The following CYFIP1 variants were observed in gnomAD, a reference collection of about 807,000 sequenced individuals.
CYFIP1 encodes the protein cytoplasmic FMR1 interacting protein 1.
In CYFIP1, 58 loss-of-function variants were observed where a neutral mutation model predicts 163.5. The observed-to-expected ratio is 0.35, with a 90% confidence interval of 0.29 to 0.44. CYFIP1 has a LOEUF of 0.44. CYFIP1 is among the 20% of genes least tolerant of loss of function. The pLI is 1.00. For synonymous variants in CYFIP1, 663 were observed against 660.7 expected, an observed-to-expected ratio of 1.00 and a Z score of -0.05; for missense variants, 1,338 against 1,653.8, an observed-to-expected ratio of 0.81 and a Z score of 3.31.
intron 1 of CYFIP1, among the ~76,000 whole-genome samples, chr15:22,968,518 T>C (rs191264120): frequency 1.3e-5 from 2 of 152,286 alleles, no homozygotes; most frequent in East Asian, 3.9e-4. Context: ...CCTCTACAAT[T>C]GTGAGTCAGA....
In CYFIP1 at chr15:22,910,449, C is replaced by A. The variant is rs138998471; in HGVS notation, c.2268+71G>T. On this transcript the variant is annotated intron_variant, in intron 20 of 30. Coordinates refer to ENST00000617928, the MANE Select transcript of CYFIP1 (RefSeq NM_014608.6). ...TGTTGGGATTACAGGCGTGAGCCAC[C>A]GCACCCAGCCGAAAACCCAGTCTTT... 3,016 of 1,313,590 alleles carry A rather than the reference C, an allele frequency of 2.3e-3. 50 individuals carry two copies. The African/African-American group carries it at 0.039, about 17-fold the overall frequency. The allele number at this position is 1,313,590 out of a possible 1,614,324, so 81.4% of individuals were successfully genotyped here. A position where few individuals can be genotyped will look rare whatever the true frequency, so the allele number is the denominator to read the frequency against.
chr15:22,930,732 G>A (rs1260653568), intron 11 of CYFIP1, among the ~76,000 whole-genome samples: 1 of 152,162 alleles, frequency 6.6e-6, no homozygotes, highest in Non-Finnish European at 1.5e-5. Flanking sequence ...CAGGTATAGA[G>A]TGTGTTTGTG....
chr15:22,911,211 T>C (rs752036583), intron 18 of CYFIP1, among the ~76,000 whole-genome samples: 4 of 151,972 alleles, frequency 2.6e-5, no homozygotes, highest in Non-Finnish European at 5.9e-5. Flanking sequence ...CTAGCAATAA[T>C]CTTACTGTCC....
chr15:22,967,562 C>T (rs1357874117), intron 1 of CYFIP1, among the ~76,000 whole-genome samples: 1 of 152,048 alleles, frequency 6.6e-6, no homozygotes, highest in African/African-American at 2.4e-5. Context: ...CCCGGCCCCA[C>T]CACAGCCCGC....
At chr15:22,977,148 G>C (rs1000679068) in intron 1 of CYFIP1, among the ~76,000 whole-genome samples, 1 of 151,700 alleles carries the variant, frequency 6.6e-6, no homozygotes, top group Non-Finnish European at 1.5e-5. Context: ...GCGGTGGGCC[G>C]AGATCGCACC....
rs751887796 is a variant in CYFIP1 at position 22,879,919 on chromosome 15, C to G, written c.3036G>C (p.Gln1012His). Residue 1012 changes from glutamine to histidine, a missense_variant, in exon 26 of 31, where the codon CAG becomes CAC. By Grantham distance (24) the Gln-to-His change is conservative. Around this residue, in one of 4 missense-constraint regions of CYFIP1, gnomAD observed 306 missense variants for 322.1 expected, o/e 0.95. Transcript: ENST00000617928. ...NAILFCLLIE[Q>H]SLSLEEVCDL... ...GCGTTGGGGGGCCACTCACCAGGCTCTGCTCGATGAGCAGGCAGAAGAGGA... is the reference window on the plus strand; with the variant it reads ...GCGTTGGGGGGCCACTCACCAGGCTGTGCTCGATGAGCAGGCAGAAGAGGA... 9.9e-6 allele frequency: 16 copies of G among 1,611,518 alleles called. No homozygotes were observed. In the Admixed American group the frequency reaches 1.2e-4, roughly 12 times the overall value.
intron 1 of CYFIP1, among the ~76,000 whole-genome samples, chr15:22,947,506 C>T (rs1168208856): frequency 4.6e-5 from 7 of 152,134 alleles, no homozygotes; most frequent in African/African-American, 1.2e-4. Context: ...TATCCTTCCA[C>T]ACTCGCTGAG....
At chr15:22,903,961 G>T in intron 21 of CYFIP1, 56 bp from the exon 22 acceptor site, 1 of 1,528,574 alleles carries the variant, frequency 6.5e-7, no homozygotes, top group South Asian at 1.2e-5. Context: ...GGAAGGAGGC[G>T]CCGAGTGGCC....
Position 22,917,554 on chromosome 15 carries a change from T to A in CYFIP1, c.1674+234A>T, listed in dbSNP as rs538801934. ...TTTTGGGATGGGAGTTGAAATGGAGTCAGACTCCTTTTTAGTGCACATGAC... is the reference window on the plus strand; with the variant it reads ...TTTTGGGATGGGAGTTGAAATGGAGACAGACTCCTTTTTAGTGCACATGAC... On this transcript the variant is annotated intron_variant, in intron 15 of 30. Transcript: ENST00000617928. This position sits in a 1 kb window ranked among gnomAD's most constrained non-coding sequence, Gnocchi z 4.2. 9 of 565,652 alleles carry A rather than the reference T, an allele frequency of 1.6e-5. No homozygotes were observed. The highest frequency in any genetic ancestry group is 2.4e-5 in the Non-Finnish European group (8 of 338,948). The allele number at this position is 565,652 out of a possible 1,614,324, so 35.0% of individuals were successfully genotyped here.
Position 22,917,028 on chromosome 15 carries a change from A to G in CYFIP1, c.1675-398T>C, listed in dbSNP as rs1455834720. On this transcript the variant is annotated intron_variant, in intron 15 of 30. Transcript: ENST00000617928. The surrounding 1 kb of genome is among the most constrained non-coding windows in gnomAD (Gnocchi z 4.2). ...CTCGGCCATGGTGCGCACCAGGTAG[A>G]GCTAGACACGGACAGACAGGAGGGA... The G allele has an allele frequency of 1.9e-6, 3 of 1,541,232 alleles. No homozygotes were observed. The South Asian group carries it at 3.6e-5, about 19-fold the overall frequency.
Position 22,870,151 on chromosome 15 carries a change from A to C in CYFIP1, c.3639T>G (p.Ile1213Met), listed in dbSNP as rs780074687. Reference protein sequence around the residue: ...KMVERIRKFQILNDEIITILD... With the variant: ...KMVERIRKFQMLNDEIITILD... The stretch of plus-strand genomic sequence containing the variant: ...GGATGGTGATGATCTCATCATTGAG[A>C]ATCTGGAACTTGCGAATTCTCTCCA... Residue 1213 changes from isoleucine (I) to methionine (M), a missense_variant, in exon 31 of 31, where the codon ATT becomes ATG. Coordinates refer to ENST00000617928, the MANE Select transcript of CYFIP1 (RefSeq NM_014608.6). 1 of 1,611,952 alleles carries C rather than the reference A, an allele frequency of 6.2e-7. No homozygotes were observed. The highest frequency in any genetic ancestry group is 1.1e-5 in the South Asian group (1 of 90,528).
rs1264624847 is a variant in CYFIP1, at chr15:22,934,372, G to A, written c.901-479C>T. 4.7e-5 allele frequency among the ~76,000 whole-genome samples: 7 copies of A among 149,420 alleles called. No individual in the cohort carries two copies. The East Asian group carries it at 6.0e-4, about 13-fold the overall frequency. ...CAGCTAATTTTTTGTATTTTTAGTA[G>A]AGATGGGATTCACTGTGTTAGCCAG... On this transcript the variant is annotated intron_variant, in intron 9 of 30. Coordinates refer to ENST00000617928, the MANE Select transcript of CYFIP1 (RefSeq NM_014608.6).
chr15:22,951,507 G>C, intron 1 of CYFIP1: 1 of 1,288,496 alleles, frequency 7.8e-7, no homozygotes, highest in Non-Finnish European at 1.0e-6. Context: ...CTGAGGACGT[G>C]CTTCGGCCCC....
rs2059354049 is a variant in CYFIP1 at position 22,869,369 on chromosome 15, G to A, written c.*659C>T. ...GTCCCATCCCACCTCAGCCTTAGAG[G>A]TGACCTCCATCCCAGCTGGCCTGGT... On this transcript the variant is annotated 3_prime_UTR_variant, in exon 31 of 31. Coordinates refer to ENST00000617928, the MANE Select transcript of CYFIP1 (RefSeq NM_014608.6). 1 of 152,210 alleles carries A rather than the reference G, an allele frequency of 6.6e-6. No individual in the cohort carries two copies. Among genetic ancestry groups the A allele is most frequent in the Non-Finnish European group, 1.5e-5 (1 of 68,062 alleles). 9.4% of individuals were successfully genotyped at this position (152,210 alleles called of 1,614,324 possible). A position where few individuals can be genotyped will look rare whatever the true frequency, so the allele number is the denominator to read the frequency against.
At chr15:22,891,593 A>G (rs2060084047) in intron 23 of CYFIP1, among the ~76,000 whole-genome samples, 2 of 152,214 alleles carry the variant, frequency 1.3e-5, no homozygotes, top group South Asian at 4.1e-4. Context: ...GAGTGCCGTA[A>G]AAAGGCCGCC....
intron 22 of CYFIP1, among the ~76,000 whole-genome samples, chr15:22,893,858 A>C (rs1397519118): frequency 6.6e-6 from 1 of 152,160 alleles, no homozygotes; most frequent in African/African-American, 2.4e-5. Flanking sequence ...GTGCACCTGC[A>C]TCTGCGTGAG....
At position 22,891,261 on chromosome 15, in the gene CYFIP1, C is replaced by T. The variant is rs182441073; in HGVS notation, c.2676+1629G>A. The stretch of plus-strand genomic sequence containing the variant: ...CCAACATGGTGAAACCCCGTCTCTA[C>T]CAAAAATACAAAAATTAGCCAGGCA... On this transcript the variant is annotated intron_variant, in intron 23 of 30. Transcript: ENST00000617928. 1.5e-3 allele frequency among the ~76,000 whole-genome samples: 221 copies of T among 152,070 alleles called. 2 individuals are homozygous for T. Among genetic ancestry groups the T allele is most frequent in the African/African-American group, 5.1e-3 (212 of 41,460 alleles).
intron 21 of CYFIP1, among the ~76,000 whole-genome samples, chr15:22,907,865 C>T (rs960539969): frequency 6.6e-6 from 1 of 152,148 alleles, no homozygotes; most frequent in African/African-American, 2.4e-5. Flanking sequence ...AGTGGCAGGC[C>T]GGTGTCTTCT....
rs543121390 is a variant in CYFIP1 at position 22,917,910 on chromosome 15, C to T, written c.1552G>A (p.Val518Met). ...TCATGCCCCGTCTCCCAGTCACACACGGTCTTCCTGATGGCCTGCAGGACA... is the reference window on the plus strand; with the variant it reads ...TCATGCCCCGTCTCCCAGTCACACATGGTCTTCCTGATGGCCTGCAGGACA... ...QSVLQAIRKT[V>M]CDWETGHEPF... The change falls in exon 15 of 31, where the codon GTG becomes ATG. Residue 518 changes from valine (V) to methionine (M), a missense_variant. By Grantham distance (21) the Val-to-Met change is conservative. Around this residue, in one of 4 missense-constraint regions of CYFIP1, gnomAD observed 824 missense variants for 995.7 expected, o/e 0.83. Coordinates refer to ENST00000617928, the MANE Select transcript of CYFIP1 (RefSeq NM_014608.6). The surrounding 1 kb of genome is among the most constrained non-coding windows in gnomAD (Gnocchi z 4.2). 28 of 1,613,706 alleles carry T rather than the reference C, an allele frequency of 1.7e-5. 1 individual carries two copies. The highest frequency in any genetic ancestry group is 2.2e-5 in the East Asian group (1 of 44,866).
Sources: gnomAD v4.1 joint callset for allele counts (sites outside exome capture counted in the v4.1 genomes callset) on GRCh38, gnomAD v4.1.1 for gene constraint, gnomAD v4.1.1 regional missense constraint, Gnocchi (gnomAD v3.1) non-coding constraint, MANE v1.5 for transcripts, NCBI Gene and HGNC (gene_info 2026-07-23, HGNC 2026-07-21) for gene names.